The following KDM6A variants were observed in gnomAD, a reference collection of about 807,000 sequenced individuals.
The protein encoded by KDM6A is lysine-specific demethylase 6A.
Under a neutral mutation model 117.6 loss-of-function variants are expected in KDM6A, and 11 were observed. The ratio of observed to expected loss-of-function variants is 0.09; its 90% confidence interval spans 0.06 to 0.15. The LOEUF is 0.15. KDM6A is among the 10% of genes least tolerant of loss of function. The pLI, the probability that KDM6A is intolerant of heterozygous loss-of-function variation, is 1.00. For synonymous variants in KDM6A, 384 were observed against 396.1 expected (o/e 0.97, Z 0.36); for missense variants, 799 against 1,077.3 (o/e 0.74, Z 3.62).
Position 44,909,905 on chromosome X carries a change from T to C in KDM6A, c.225+35918T>C, listed in dbSNP as rs910069174. On this transcript the variant is annotated intron_variant, in intron 2 of 29. Coordinates refer to ENST00000611820, the MANE Select transcript of KDM6A (RefSeq NM_001291415.2). ...TAAAGGAGATAAAAGCATAGCACTT[T>C]GTGGCTGTTTAGGATCAATTCTTAA... Among the ~76,000 whole-genome samples the C allele has an allele frequency of 2.7e-5, 3 of 112,349 alleles. No homozygotes were observed. The East Asian group carries it at 8.3e-4, about 31-fold the overall frequency.
chrX:44,896,169 G>A (rs2033832461), intron 2 of KDM6A, among the ~76,000 whole-genome samples: 1 of 108,693 alleles, frequency 9.2e-6, no homozygotes, highest in South Asian at 4.1e-4. Context: ...CGCCTCCTGG[G>A]TTCATGCCAT....
chrX:45,086,756 CTTCTT>C (rs1387852818), intron 25 of KDM6A, among the ~76,000 whole-genome samples: 1 of 111,974 alleles, frequency 8.9e-6, no homozygotes, highest in Non-Finnish European at 1.9e-5. Context: ...ACCTTACTCT[CTTCTT>C]TTCTAGAACC....
chrX:44,967,895 C>T (rs896314548), intron 3 of KDM6A, among the ~76,000 whole-genome samples: 2 of 112,415 alleles, frequency 1.8e-5, no homozygotes, highest in Admixed American at 1.9e-4. Flanking sequence ...AAAAAAATGT[C>T]ATGTCACTTT....
At chrX:44,920,866 CTTTTCT>C (rs1345115902) in intron 2 of KDM6A, among the ~76,000 whole-genome samples, 3 of 98,836 alleles carry the variant, frequency 3.0e-5, no homozygotes, top group African/African-American at 1.1e-4. Flanking sequence ...TCTTTTTTTT[CTTTTCT>C]TTTTCTTTTT....
chrX:44,906,669 G>T (rs1386963260), intron 2 of KDM6A, among the ~76,000 whole-genome samples: 2 of 110,517 alleles, frequency 1.8e-5, no homozygotes, highest in Non-Finnish European at 3.8e-5. Context: ...GTATGTGTGT[G>T]TATGTGTGTG....
At chrX:44,894,861 G>C (rs1162114679) in intron 2 of KDM6A, among the ~76,000 whole-genome samples, 1 of 106,870 alleles carries the variant, frequency 9.4e-6, no homozygotes, top group African/African-American at 3.4e-5. Flanking sequence ...TCCGGCTCCC[G>C]GGTTCAAGTG....
intron 8 of KDM6A, among the ~76,000 whole-genome samples, chrX:45,041,440 C>T (rs1270094762): frequency 2.8e-5 from 3 of 105,648 alleles, no homozygotes; most frequent in East Asian, 6.2e-4. Flanking sequence ...GACCCCCCCC[C>T]ACCTCCCTCC....
At chrX:44,906,490 A>G (rs1463404018) in intron 2 of KDM6A, among the ~76,000 whole-genome samples, 1 of 110,278 alleles carries the variant, frequency 9.1e-6, no homozygotes, top group Non-Finnish European at 1.9e-5. Context: ...AGACCCTTAA[A>G]TGGCTTCCTT....
intron 2 of KDM6A, among the ~76,000 whole-genome samples, chrX:44,920,349 G>A (rs1264638335): frequency 9.0e-6 from 1 of 111,527 alleles, no homozygotes; most frequent in Non-Finnish European, 1.9e-5. Context: ...TTTATCTCTG[G>A]TTATATTTTT....
chrX:45,105,362 A>G (rs1017084446), intron 27 of KDM6A, among the ~76,000 whole-genome samples: 1 of 111,817 alleles, frequency 8.9e-6, no homozygotes, highest in Non-Finnish European at 1.9e-5. Flanking sequence ...TAGCAAATAC[A>G]TGGCCCCTGT....
At chrX:45,031,494 A>T (rs886603599) in intron 6 of KDM6A, among the ~76,000 whole-genome samples, 1 of 112,083 alleles carries the variant, frequency 8.9e-6, no homozygotes, top group African/African-American at 3.2e-5. Flanking sequence ...AAAATAGAAT[A>T]GTGTGGTTTA....
chrX:44,888,185 A>C (rs1387505269), intron 2 of KDM6A, among the ~76,000 whole-genome samples: 1 of 110,645 alleles, frequency 9.0e-6, no homozygotes, highest in Admixed American at 9.7e-5. Context: ...GGCACCTGTA[A>C]TCCCAGCTAC....
chrX:45,058,113 T>G (rs1156292128), intron 10 of KDM6A, among the ~76,000 whole-genome samples: 1 of 88,542 alleles, frequency 1.1e-5, no homozygotes, highest in African/African-American at 4.1e-5. Flanking sequence ...TTCCTAAATC[T>G]TGCAGAATAT....
chrX:45,016,472 T>C (rs935284327), intron 5 of KDM6A, among the ~76,000 whole-genome samples: 1 of 108,683 alleles, frequency 9.2e-6, no homozygotes, highest in Non-Finnish European at 1.9e-5. Flanking sequence ...TATGTATGTA[T>C]GTATGTATGT....
At chrX:44,990,464 C>T (rs1045750786) in intron 4 of KDM6A, among the ~76,000 whole-genome samples, 2 of 110,245 alleles carry the variant, frequency 1.8e-5, no homozygotes, top group Non-Finnish European at 3.8e-5. Flanking sequence ...GCAGGAGAAT[C>T]GCTTGAACCC....
At chrX:45,078,733 G>T (rs1010167705) in intron 20 of KDM6A, among the ~76,000 whole-genome samples, 1 of 109,829 alleles carries the variant, frequency 9.1e-6, no homozygotes, top group African/African-American at 3.3e-5. Context: ...TGACAATTTG[G>T]TGGAGGTTTT....
intron 18 of KDM6A, among the ~76,000 whole-genome samples, chrX:45,076,479 A>G (rs2045119210): frequency 9.0e-6 from 1 of 111,109 alleles, no homozygotes; most frequent in South Asian, 3.8e-4. Context: ...ATGTTGTGAT[A>G]TCTTTTATTT....
intron 8 of KDM6A, among the ~76,000 whole-genome samples, chrX:45,040,150 C>G (rs1331436385): frequency 1.5e-5 from 1 of 67,852 alleles, no homozygotes; most frequent in African/African-American, 5.9e-5. Context: ...CTGACCCCCC[C>G]ACCATCCTCC....
chrX:44,942,980 G>T (rs142996560), intron 2 of KDM6A, among the ~76,000 whole-genome samples: 4,256 of 110,591 alleles, frequency 0.038, 211 homozygotes, highest in African/African-American at 0.13. Flanking sequence ...GTGTAGAATG[G>T]ACTTTACAAG....
Sources: gnomAD v4.1 joint callset for allele counts (sites outside exome capture counted in the v4.1 genomes callset) on GRCh38, gnomAD v4.1.1 for gene constraint, MANE v1.5 for transcripts, NCBI Gene and HGNC (gene_info 2026-07-23, HGNC 2026-07-21) for gene names.